GNA15: variants seen among roughly 807,000 people sequenced by gnomAD.
The protein encoded by GNA15 is G protein subunit alpha 15, also known as guanine nucleotide-binding protein subunit alpha-15.
Under a neutral mutation model 40.1 loss-of-function variants are expected in GNA15, and 23 were observed. That is an observed-to-expected ratio of 0.57 (90% CI 0.41 to 0.81). The LOEUF is 0.81. Ranked by LOEUF, GNA15 falls within the 40% of genes least tolerant of loss-of-function variation. The probability of loss-of-function intolerance (pLI) is 0.00; values close to 1 mark genes in which losing one functional copy is unlikely to be tolerated. For synonymous variants in GNA15, 226 were observed against 210.4 expected, an observed-to-expected ratio of 1.07 and a Z score of -0.64; for missense variants, 522 against 515.8, an observed-to-expected ratio of 1.01 and a Z score of -0.12.
chr19:3,137,417 C>A (rs1241144249), intron 1 of GNA15, among the ~76,000 whole-genome samples: 4 of 151,866 alleles, frequency 2.6e-5, no homozygotes, highest in Non-Finnish European at 5.9e-5. Context: ...GAGGCCCAGG[C>A]GGGTGGGATC....
chr19:3,145,359 A>ATATATATATATATATATATATATATTTT, intron 1 of GNA15, among the ~76,000 whole-genome samples: 1 of 46,964 alleles, frequency 2.1e-5, no homozygotes, highest in Non-Finnish European at 3.9e-5. Flanking sequence ...ATATATATAT[A>ATATATATATATATATATATATATATTTT]TTTTTTTTTT....
chr19:3,144,739 A>T (rs182833854), intron 1 of GNA15, among the ~76,000 whole-genome samples: 1 of 151,436 alleles, frequency 6.6e-6, no homozygotes, highest in Non-Finnish European at 1.5e-5. Context: ...CGTGTTAGCC[A>T]GGATGGTCTC....
At chr19:3,158,985 A>G (rs1915088162) in intron 6 of GNA15, among the ~76,000 whole-genome samples, 1 of 151,270 alleles carries the variant, frequency 6.6e-6, no homozygotes, top group Admixed American at 6.6e-5. Context: ...CCCTAATTGG[A>G]TAGCAATTTC....
chr19:3,151,273 G>T lies in GNA15; in HGVS notation c.486-434G>T, dbSNP rs1040273219. Among the ~76,000 whole-genome samples, 1 of 151,884 alleles carries T rather than the reference G, an allele frequency of 6.6e-6. No homozygotes were observed. Among genetic ancestry groups the T allele is most frequent in the African/African-American group, 2.4e-5 (1 of 41,352 alleles). Reference sequence around the variant, plus strand: ...CTGTTCCTAAAGTGACCCTGTTTTAGGGGGGACTCTGTTCCAGGGGAGACC... The same window carrying T: ...CTGTTCCTAAAGTGACCCTGTTTTATGGGGGACTCTGTTCCAGGGGAGACC... On this transcript the variant is annotated intron_variant, in intron 3 of 6. Coordinates refer to ENST00000262958, the MANE Select transcript of GNA15 (RefSeq NM_002068.4). This position sits in a 1 kb window ranked among gnomAD's most constrained non-coding sequence, Gnocchi z 5.0.
intron 6 of GNA15, among the ~76,000 whole-genome samples, chr19:3,158,092 C>T (rs915805354): frequency 5.3e-5 from 8 of 152,156 alleles, no homozygotes; most frequent in African/African-American, 1.9e-4. Context: ...GCCCTTGGAA[C>T]TGAGTAAAGT....
rs937183752 is a variant in GNA15, at chr19:3,150,126, C to T, written c.331-5C>T. On this transcript the variant is annotated splice_polypyrimidine_tract_variant and splice_region_variant and intron_variant, in intron 2 of 6. Coordinates refer to ENST00000262958, the MANE Select transcript of GNA15 (RefSeq NM_002068.4). ...ACCCTAACTGCCCCCGTCCTCCCTC[C>T]CCAGCACCACGCTAGCCTGGTCATG... The T allele has an allele frequency of 8.7e-6, 14 of 1,611,978 alleles. No homozygotes were observed. The highest frequency in any genetic ancestry group is 4.5e-5 in the East Asian group (2 of 44,738).
chr19:3,138,336 C>T (rs1914498282), intron 1 of GNA15, among the ~76,000 whole-genome samples: 1 of 143,780 alleles, frequency 7.0e-6, no homozygotes, highest in Non-Finnish European at 1.5e-5. Flanking sequence ...TCCCCAATTA[C>T]CTTTCCCTGA....
intron 1 of GNA15, 68 bp from the exon 2 acceptor site, chr19:3,148,523 G>T (rs1173693063): frequency 2.8e-6 from 4 of 1,443,664 alleles, no homozygotes; most frequent in African/African-American, 1.4e-5. Flanking sequence ...GGTGTCTGAC[G>T]TGGGGTTGGG....
At chr19:3,138,416 T>C (rs1914500905) in intron 1 of GNA15, among the ~76,000 whole-genome samples, 1 of 152,174 alleles carries the variant, frequency 6.6e-6, no homozygotes, top group African/African-American at 2.4e-5. Flanking sequence ...GAGCTCTGGG[T>C]TGGGGGCTGG....
At position 3,151,938 on chromosome 19, in the gene GNA15, C is replaced by A; in HGVS notation, c.614+103C>A. The stretch of plus-strand genomic sequence containing the variant: ...GGGATGAGTAGGAGTTTCTTAGGCC[C>A]AGCCTTCAAGGAGCTGCCAAGCTAG... On this transcript the variant is annotated intron_variant, in intron 4 of 6. Transcript: ENST00000262958. The surrounding 1 kb of genome is among the most constrained non-coding windows in gnomAD (Gnocchi z 5.0). 1 of 846,102 alleles carries A rather than the reference C, an allele frequency of 1.2e-6. No homozygotes were observed. The highest frequency in any genetic ancestry group is 1.8e-6 in the Non-Finnish European group (1 of 567,336). 52.4% of individuals were successfully genotyped at this position (846,102 alleles called of 1,614,324 possible). A position where few individuals can be genotyped will look rare whatever the true frequency, so the allele number is the denominator to read the frequency against.
At chr19:3,162,271 C>G (rs1251917918) in intron 6 of GNA15, among the ~76,000 whole-genome samples, 1 of 151,832 alleles carries the variant, frequency 6.6e-6, no homozygotes, top group African/African-American at 2.4e-5. Context: ...AAAACCCCAT[C>G]TCTACTAAAA....
rs913178221 is a variant in GNA15 at position 3,136,309 on chromosome 19, G to C, written c.-142G>C. The C allele has an allele frequency of 7.5e-6, 6 of 798,834 alleles. No homozygotes were observed. The African/African-American group carries it at 8.9e-5, about 12-fold the overall frequency. 49.5% of individuals were successfully genotyped at this position (798,834 alleles called of 1,614,324 possible). A position where few individuals can be genotyped will look rare whatever the true frequency, so the allele number is the denominator to read the frequency against. ...CAGGCAAGGAAGTCTAGGTCCCTGGGGGGTGACCCCCAAGGAAAAGGCAGC... is the reference window on the plus strand; with the variant it reads ...CAGGCAAGGAAGTCTAGGTCCCTGGCGGGTGACCCCCAAGGAAAAGGCAGC... On this transcript the variant is annotated 5_prime_UTR_variant, in exon 1 of 7. Transcript: ENST00000262958. This position sits in a 1 kb window ranked among gnomAD's most constrained non-coding sequence, Gnocchi z 4.9.
chr19:3,139,680 A>G (rs1351927770), intron 1 of GNA15, among the ~76,000 whole-genome samples: 1 of 151,834 alleles, frequency 6.6e-6, no homozygotes, highest in African/African-American at 2.4e-5. Context: ...TGGGCAGATC[A>G]TGAGGTCAGG....
At chr19:3,147,474 A>G (rs1020676352) in intron 1 of GNA15, among the ~76,000 whole-genome samples, 4 of 151,770 alleles carry the variant, frequency 2.6e-5, no homozygotes, top group African/African-American at 9.7e-5. Context: ...AATCACTTGA[A>G]CCTGGGAGCC....
At position 3,136,705 on chromosome 19, in the gene GNA15, G is replaced by C; in HGVS notation, c.145+110G>C. 1 of 970,742 alleles carries C rather than the reference G, an allele frequency of 1.0e-6. No homozygotes were observed. The highest frequency in any genetic ancestry group is 1.6e-5 in the South Asian group (1 of 60,732). 60.1% of individuals were successfully genotyped at this position (970,742 alleles called of 1,614,324 possible). On this transcript the variant is annotated intron_variant, in intron 1 of 6. Coordinates refer to ENST00000262958, the MANE Select transcript of GNA15 (RefSeq NM_002068.4). This position sits in a 1 kb window ranked among gnomAD's most constrained non-coding sequence, Gnocchi z 4.9. ...GGCTAGGTCAGACATTGGCATCGTG[G>C]AGCCGTCGCCTCCTCCCAGGGAATG...
chr19:3,145,359 A>ATATATATATTTTTT, intron 1 of GNA15, among the ~76,000 whole-genome samples: 1 of 46,962 alleles, frequency 2.1e-5, no homozygotes, highest in African/African-American at 9.2e-5. Context: ...ATATATATAT[A>ATATATATATTTTTT]TTTTTTTTTT....
intron 4 of GNA15, among the ~76,000 whole-genome samples, chr19:3,152,713 CG>C (rs1424074230): frequency 1.3e-5 from 2 of 152,102 alleles, no homozygotes; most frequent in Non-Finnish European, 2.9e-5. Context: ...GGGCTGATGG[CG>C]GGGAGCTGAG....
At chr19:3,159,930 T>G (rs1915107716) in intron 6 of GNA15, among the ~76,000 whole-genome samples, 1 of 152,182 alleles carries the variant, frequency 6.6e-6, no homozygotes, top group South Asian at 2.1e-4. Flanking sequence ...GAGTTGTGGT[T>G]AATCCAGGGA....
At chr19:3,153,039 C>G (rs2144856494) in intron 4 of GNA15, among the ~76,000 whole-genome samples, 1 of 151,928 alleles carries the variant, frequency 6.6e-6, no homozygotes, top group African/African-American at 2.4e-5. Context: ...GCTGTGGAAG[C>G]TTTGTTCTTT....
Sources: allele counts gnomAD v4.1 joint callset (sites outside exome capture counted in the v4.1 genomes callset), GRCh38; gene constraint gnomAD v4.1.1; non-coding constraint Gnocchi (gnomAD v3.1); transcripts MANE v1.5; gene names NCBI Gene and HGNC (gene_info 2026-07-23, HGNC 2026-07-21).